Variants in SIDT2 observed in about 807,000 individuals in gnomAD.
SIDT2 encodes the protein SID1 transmembrane family member 2, also known as SID1 transmembrane family, member 2.
Under a neutral mutation model 114.4 loss-of-function variants are expected in SIDT2, and 68 were observed. That is an observed-to-expected ratio of 0.59 (90% confidence interval 0.49 to 0.73). The LOEUF is 0.73. Among genes scored for constraint, SIDT2 ranks in the 30% least tolerant of loss-of-function variants. SIDT2 has a pLI of 0.00. For synonymous variants in SIDT2, 470 were observed against 438.4 expected, an observed-to-expected ratio of 1.07 and a Z score of -0.90; for missense variants, 918 against 1,097.1, an observed-to-expected ratio of 0.84 and a Z score of 2.31.
rs776428365 is a variant in SIDT2 at position 117,189,400 on chromosome 11, C to T, written c.1418C>T (p.Thr473Met). The T allele has an allele frequency of 1.2e-5, 20 of 1,613,858 alleles. No individual in the cohort carries two copies. Among genetic ancestry groups the T allele is most frequent in the Admixed American group, 3.3e-5 (2 of 59,978 alleles). The change falls in exon 15 of 26, where the codon ACG (threonine) becomes ATG (methionine). Residue 473 changes from threonine (T) to methionine (M), a missense_variant and splice_region_variant. This residue lies in a region of SIDT2 where 18 missense variants were observed against 39.6 expected (regional missense o/e 0.45). Transcript: ENST00000324225. ...GTGCAGCTGGTGATCACCTACCAGA[C>T]GGTGAGAGGGCAGGGCAGGTTCACC... ...PVVQLVITYQ[T>M]VVNVTGNQDI...
At position 117,189,996 on chromosome 11, in the gene SIDT2, C is replaced by T; in HGVS notation, c.1464C>T (p.Phe488=). 1 of 1,614,204 alleles carries T rather than the reference C, an allele frequency of 6.2e-7. No homozygotes were observed. The highest frequency in any genetic ancestry group is 8.5e-7 in the Non-Finnish European group (1 of 1,180,050). ...TGNQDICYYN[F]LCAHPLGNLS... ...ATCAGGACATCTGCTACTACAACTT[C>T]CTCTGCGCCCACCCACTGGGCAATC... The change falls in exon 16 of 26, where the codon TTC becomes TTT. Residue 488 remains phenylalanine (F), a synonymous_variant. Coordinates refer to ENST00000324225, the MANE Select transcript of SIDT2 (RefSeq NM_001040455.2).
chr11:117,194,316 A>G (rs2030812142), intron 24 of SIDT2, among the ~76,000 whole-genome samples: 1 of 152,148 alleles, frequency 6.6e-6, no homozygotes, highest in Non-Finnish European at 1.5e-5. Flanking sequence ...CTAAAAAAAA[A>G]ATTTTAAACA....
chr11:117,189,698 CTCTG>C, intron 15 of SIDT2: 1 of 599,698 alleles, frequency 1.7e-6, no homozygotes, highest in East Asian at 2.8e-5. Context: ...CTTCCCTTTT[CTCTG>C]TCCCGTGGGG....
chr11:117,186,624 T>C lies in SIDT2; in HGVS notation c.1003T>C (p.Cys335Arg). ...CCTGCTGGTGGCCATTGACCGAGCC[T>C]GCCCAGAAAGCGGTACCTCCAGGGG... The part of the protein sequence containing the change: ...KTLLVAIDRA[C>R]PESGHPRVLA... Residue 335 changes from cysteine to arginine, a missense_variant, in exon 10 of 26, where the codon TGC (cysteine) becomes CGC (arginine). Physicochemically the swap from Cys to Arg is radical, Grantham distance 180. This residue lies in a region of SIDT2 where 553 missense variants were observed against 600.1 expected (regional missense o/e 0.92). Transcript: ENST00000324225. The C allele has an allele frequency of 6.4e-7, 1 of 1,566,814 alleles. No homozygotes were observed. The highest frequency in any genetic ancestry group is 1.4e-5 in the African/African-American group (1 of 72,864).
chr11:117,182,184 G>A, intron 4 of SIDT2, 79 bp downstream of exon 4: 1 of 1,532,696 alleles, frequency 6.5e-7, no homozygotes, highest in Non-Finnish European at 8.9e-7. Flanking sequence ...AGCGGTCTTT[G>A]CTTGGCCTTT....
intron 15 of SIDT2, 38 bp from the exon 16 acceptor site, chr11:117,189,914 G>C: frequency 6.2e-7 from 1 of 1,606,496 alleles, no homozygotes; most frequent in Non-Finnish European, 8.5e-7. Flanking sequence ...AGTTGGGCGT[G>C]ACGACAGACC....
At position 117,179,187 on chromosome 11, in the gene SIDT2, ACCCGTCCCGGAGGTGT is replaced by A. The variant is rs750599707; in HGVS notation, c.-74_-59del. On this transcript the variant is annotated 5_prime_UTR_variant, in exon 1 of 26. Coordinates refer to ENST00000324225, the MANE Select transcript of SIDT2 (RefSeq NM_001040455.2). ...GCTGGAAGCTGCGGCCGCAGCCGCA[ACCCGTCCCGGAGGTGT>A]CCTGTCTCCTGTCGCCGCCGCCGCC... 6 of 1,433,268 alleles carry A rather than the reference ACCCGTCCCGGAGGTGT, an allele frequency of 4.2e-6. No individual in the cohort carries two copies. The highest frequency in any genetic ancestry group is 5.7e-6 in the Non-Finnish European group (6 of 1,056,480). 88.8% of individuals were successfully genotyped at this position (1,433,268 alleles called of 1,614,324 possible). A position where few individuals can be genotyped will look rare whatever the true frequency, so the allele number is the denominator to read the frequency against.
Position 117,196,210 on chromosome 11 carries a change from C to G in SIDT2, c.*144C>G, listed in dbSNP as rs981662877. On this transcript the variant is annotated 3_prime_UTR_variant, in exon 26 of 26. Coordinates refer to ENST00000324225, the MANE Select transcript of SIDT2 (RefSeq NM_001040455.2). The surrounding 1 kb of genome is among the most constrained non-coding windows in gnomAD (Gnocchi z 4.9). Reference sequence around the variant, plus strand: ...GCAGGACAGCCAGGTCTAGCTTAGGCTTGGCCTGGGACAGCCATGGGGTGG... The same window carrying G: ...GCAGGACAGCCAGGTCTAGCTTAGGGTTGGCCTGGGACAGCCATGGGGTGG... 1 of 1,153,856 alleles carries G rather than the reference C, an allele frequency of 8.7e-7. No individual in the cohort carries two copies. Among genetic ancestry groups the G allele is most frequent in the African/African-American group, 1.5e-5 (1 of 65,466 alleles). 71.5% of individuals were successfully genotyped at this position (1,153,856 alleles called of 1,614,324 possible).
At chr11:117,181,301 C>A in intron 1 of SIDT2, 115 bp from the exon 2 acceptor site, 1 of 1,491,236 alleles carries the variant, frequency 6.7e-7, no homozygotes, top group Non-Finnish European at 9.1e-7. Context: ...CCTGGCCCGA[C>A]CAAGATGGAG....
At chr11:117,193,298 G>C in intron 23 of SIDT2, 40 bp downstream of exon 23, 1 of 1,526,174 alleles carries the variant, frequency 6.6e-7, no homozygotes, top group Non-Finnish European at 9.0e-7. Flanking sequence ...CAGCTGCTCT[G>C]CTATCTGGGG....
rs992703044 is a variant in SIDT2, at chr11:117,191,761, C to G, written c.1736-117C>G. On this transcript the variant is annotated intron_variant, in intron 18 of 25. Coordinates refer to ENST00000324225, the MANE Select transcript of SIDT2 (RefSeq NM_001040455.2). Reference sequence around the variant, plus strand: ...AGTGCCACCCTGCCACCAGCTCACACCATGGCCGTGGTGGGGCACCAGGGC... The same window carrying G: ...AGTGCCACCCTGCCACCAGCTCACAGCATGGCCGTGGTGGGGCACCAGGGC... 2.8e-6 allele frequency: 4 copies of G among 1,427,282 alleles called. No homozygotes were observed. The Admixed American group carries it at 8.0e-5, about 28-fold the overall frequency. 88.4% of individuals were successfully genotyped at this position (1,427,282 alleles called of 1,614,324 possible).
chr11:117,186,785 G>T (rs2030513225), intron 10 of SIDT2, 149 bp downstream of exon 10: 1 of 938,226 alleles, frequency 1.1e-6, no homozygotes, highest in Non-Finnish European at 1.6e-6. Flanking sequence ...TGGGAATGAG[G>T]CTGGGATATG....
At chr11:117,180,659 C>T (rs748745856) in intron 1 of SIDT2, among the ~76,000 whole-genome samples, 13 of 151,714 alleles carry the variant, frequency 8.6e-5, no homozygotes, top group Non-Finnish European at 1.5e-4. Context: ...CCTCAGCCTC[C>T]CAAGTAGTTG....
chr11:117,190,336 A>T lies in SIDT2; in HGVS notation c.1617+47A>T. 6.6e-7 allele frequency: 1 copy of T among 1,518,530 alleles called. No individual in the cohort carries two copies. Among genetic ancestry groups the T allele is most frequent in the Non-Finnish European group, 8.8e-7 (1 of 1,135,110 alleles). The allele number at this position is 1,518,530 out of a possible 1,614,324, so 94.1% of individuals were successfully genotyped here. On this transcript the variant is annotated intron_variant, in intron 17 of 25. Coordinates refer to ENST00000324225, the MANE Select transcript of SIDT2 (RefSeq NM_001040455.2). This position sits in a 1 kb window ranked among gnomAD's most constrained non-coding sequence, Gnocchi z 4.1. Reference sequence around the variant, plus strand: ...TGCCGCAGCCTCAGCTCCAGCACAGACCTCAAGCCTTGGCTCCAGGACACC... The same window carrying T: ...TGCCGCAGCCTCAGCTCCAGCACAGTCCTCAAGCCTTGGCTCCAGGACACC...
At chr11:117,186,923 C>T (rs1002499935) in intron 10 of SIDT2, 9 of 1,489,712 alleles carry the variant, frequency 6.0e-6, no homozygotes, top group Non-Finnish European at 8.1e-6. Context: ...TTAACCTTTC[C>T]TTCTCTCTCT....
At chr11:117,185,711 C>A (rs531832479) in intron 8 of SIDT2, among the ~76,000 whole-genome samples, 1 of 151,844 alleles carries the variant, frequency 6.6e-6, no homozygotes, top group African/African-American at 2.4e-5. Context: ...GACCCAATCT[C>A]TATAAAAAAT....
rs534281465 is a variant in SIDT2, at chr11:117,190,958, C to T, written c.1735+218C>T. 1.4e-4 allele frequency: 72 copies of T among 519,534 alleles called. No individual in the cohort carries two copies. Among genetic ancestry groups the T allele is most frequent in the East Asian group, 2.5e-4 (8 of 31,740 alleles). The allele number at this position is 519,534 out of a possible 1,614,324, so 32.2% of individuals were successfully genotyped here. ...GCTATTCCTATGTAAAGGCATGTGC[C>T]GCAGTGAAGAAAACAGTATAATTAA... On this transcript the variant is annotated intron_variant, in intron 18 of 25. Transcript: ENST00000324225. The surrounding 1 kb of genome is among the most constrained non-coding windows in gnomAD (Gnocchi z 4.1).
intron 1 of SIDT2, among the ~76,000 whole-genome samples, chr11:117,180,090 C>G (rs540189932): frequency 1.3e-5 from 2 of 152,338 alleles, no homozygotes; most frequent in South Asian, 4.1e-4. Context: ...ATAGACACAG[C>G]TAGTGTGGGA....
At chr11:117,189,543 G>GTC (rs2030624604) in intron 15 of SIDT2, 142 bp downstream of exon 15, 9 of 867,646 alleles carry the variant, frequency 1.0e-5, no homozygotes, top group Non-Finnish European at 1.6e-5. Context: ...GAGTGACCCA[G>GTC]GGCAAATCAC....
Sources: gnomAD v4.1 joint callset for allele counts (sites outside exome capture counted in the v4.1 genomes callset) on GRCh38, gnomAD v4.1.1 for gene constraint, gnomAD v4.1.1 regional missense constraint, Gnocchi (gnomAD v3.1) non-coding constraint, MANE v1.5 for transcripts, NCBI Gene and HGNC (gene_info 2026-07-23, HGNC 2026-07-21) for gene names.